Variants in PARP11 observed in about 807,000 individuals in gnomAD.
PARP11 encodes protein mono-ADP-ribosyltransferase PARP11.
Under a neutral mutation model 42.9 loss-of-function variants are expected in PARP11, and 31 were observed. The ratio of observed to expected loss-of-function variants is 0.72; its 90% CI spans 0.54 to 0.98. PARP11 has a LOEUF of 0.98. Among genes scored for constraint, PARP11 ranks in the 50% least tolerant of loss-of-function variants. PARP11 has a pLI of 0.00. For synonymous variants in PARP11, 137 were observed against 127.3 expected, an observed-to-expected ratio of 1.08 and a Z score of -0.51; for missense variants, 365 against 413.1, an observed-to-expected ratio of 0.88 and a Z score of 1.01.
intron 1 of PARP11, chr12:3,841,138 C>T (rs1375426823): frequency 3.7e-6 from 6 of 1,608,356 alleles, no homozygotes; most frequent in South Asian, 3.3e-5. Context: ...GCCTTTGCCT[C>T]AGACATTGAG....
intron 2 of PARP11, 35 bp from the exon 3 acceptor site, chr12:3,829,065 T>C (rs200998166): frequency 1.2e-6 from 2 of 1,612,024 alleles, no homozygotes; most frequent in Non-Finnish European, 1.7e-6. Context: ...ATTTACCAGC[T>C]GTTCACATTA....
In PARP11 at chr12:3,842,316, G is replaced by A. The variant is rs3816505; in HGVS notation, c.19-12298C>T. 4 of 1,605,370 alleles carry A rather than the reference G, an allele frequency of 2.5e-6. No homozygotes were observed. The South Asian group carries it at 4.4e-5, about 18-fold the overall frequency. ...AGCAGTTCTATAATCAAACTTATGG[G>A]AGCAGGAAGTACAAAAGTGATTGGG... is the stretch of plus-strand genomic sequence containing the variant. On this transcript the variant is annotated intron_variant, in intron 1 of 7. Coordinates refer to ENST00000228820, the MANE Select transcript of PARP11 (RefSeq NM_020367.6).
In PARP11 at chr12:3,829,040, A is replaced by G. The variant is rs776180497; in HGVS notation, c.148-10T>C. The G allele has an allele frequency of 1.2e-6, 2 of 1,613,386 alleles. No individual in the cohort carries two copies. The highest frequency in any genetic ancestry group is 1.7e-5 in the Admixed American group (1 of 59,966). ...GACTGTTGGTATCCGGCTTTAAGAC[A>G]AACCAGAAAGTTTCATTTACCAGCT... On this transcript the variant is annotated splice_polypyrimidine_tract_variant and intron_variant, in intron 2 of 7. Transcript: ENST00000228820.
At chr12:3,835,969 A>G (rs1565539796) in intron 1 of PARP11, among the ~76,000 whole-genome samples, 1 of 152,100 alleles carries the variant, frequency 6.6e-6, no homozygotes, top group East Asian at 1.9e-4. Flanking sequence ...AAAAAGGCAC[A>G]GGAAAAACTT....
intron 1 of PARP11, among the ~76,000 whole-genome samples, chr12:3,838,984 G>A (rs111623030): frequency 0.012 from 1,851 of 152,248 alleles, 44 homozygotes; most frequent in African/African-American, 0.042. Context: ...TCCTGAGTCG[G>A]GCAGCGAGGC....
chr12:3,839,434 T>C (rs1453505577), intron 1 of PARP11: 1 of 1,602,504 alleles, frequency 6.2e-7, no homozygotes, highest in Non-Finnish European at 8.5e-7. Context: ...GGACGGGTCG[T>C]GCCTGTTCCG....
At chr12:3,844,835 G>A (rs1342357860) in intron 1 of PARP11, among the ~76,000 whole-genome samples, 5 of 152,242 alleles carry the variant, frequency 3.3e-5, no homozygotes, top group African/African-American at 7.2e-5. Flanking sequence ...GGTTGGTTTC[G>A]CTTTTATCCT....
At chr12:3,835,365 A>G (rs1427920652) in intron 1 of PARP11, among the ~76,000 whole-genome samples, 1 of 146,730 alleles carries the variant, frequency 6.8e-6, no homozygotes, top group East Asian at 2.6e-4. Context: ...TTGTTCAGCT[A>G]TATCACTGTT....
At chr12:3,871,295 T>C (rs778998788) in intron 1 of PARP11, among the ~76,000 whole-genome samples, 5 of 152,202 alleles carry the variant, frequency 3.3e-5, no homozygotes, top group Non-Finnish European at 5.9e-5. Flanking sequence ...TCATACACAA[T>C]TATGCATTGC....
intron 1 of PARP11, chr12:3,841,937 C>T: frequency 6.2e-7 from 1 of 1,607,692 alleles, no homozygotes; most frequent in Non-Finnish European, 8.5e-7. Context: ...CATGTACATT[C>T]TCTCCCTGAA....
intron 1 of PARP11, among the ~76,000 whole-genome samples, chr12:3,854,105 G>T (rs1293206674): frequency 1.3e-5 from 2 of 152,086 alleles, no homozygotes; most frequent in Non-Finnish European, 2.9e-5. Context: ...AAGATACAAC[G>T]TACCAGAATC....
intron 4 of PARP11, 102 bp downstream of exon 4, chr12:3,826,053 ATAT>A: frequency 1.5e-6 from 1 of 682,706 alleles, no homozygotes; most frequent in East Asian, 2.7e-5. Context: ...TAAAAGATCA[ATAT>A]TATTAAATGA....
chr12:3,853,135 C>G (rs906339365), intron 1 of PARP11, among the ~76,000 whole-genome samples: 2 of 152,154 alleles, frequency 1.3e-5, no homozygotes, highest in African/African-American at 2.4e-5. Context: ...CTGAAGGAAG[C>G]ACTAAACATG....
At chr12:3,833,361 G>A (rs1565538625) in intron 1 of PARP11, among the ~76,000 whole-genome samples, 1 of 152,162 alleles carries the variant, frequency 6.6e-6, no homozygotes, top group Non-Finnish European at 1.5e-5. Context: ...GGGCTTTGGT[G>A]AGGCTGAGAA....
At chr12:3,839,926 T>G (rs1194427668) in intron 1 of PARP11, 3 of 1,120,252 alleles carry the variant, frequency 2.7e-6, no homozygotes, top group Non-Finnish European at 4.1e-6. Context: ...GGATGACAGC[T>G]GCAAGAGTAA....
intron 6 of PARP11, among the ~76,000 whole-genome samples, chr12:3,818,960 G>C (rs1301770355): frequency 6.6e-6 from 1 of 151,786 alleles, no homozygotes; most frequent in Admixed American, 6.6e-5. Context: ...ACGCTCCCTG[G>C]TCATCTTCTT....
chr12:3,827,713 T>A (rs141928332), intron 3 of PARP11, among the ~76,000 whole-genome samples: 1 of 152,204 alleles, frequency 6.6e-6, no homozygotes, highest in Non-Finnish European at 1.5e-5. Context: ...AATTATTGCA[T>A]ATTTGGTTCC....
At chr12:3,865,655 T>C (rs1393637968) in intron 1 of PARP11, among the ~76,000 whole-genome samples, 5 of 152,138 alleles carry the variant, frequency 3.3e-5, no homozygotes, top group Non-Finnish European at 7.4e-5. Flanking sequence ...TTAACAACAA[T>C]AAACCACTCA....
intron 6 of PARP11, among the ~76,000 whole-genome samples, chr12:3,821,402 A>G (rs1947388391): frequency 6.6e-6 from 1 of 152,252 alleles, no homozygotes; most frequent in Non-Finnish European, 1.5e-5. Context: ...TAAATCCAGT[A>G]AGGAATTGAG....
Sources: gnomAD v4.1 joint callset for allele counts (sites outside exome capture counted in the v4.1 genomes callset) on GRCh38, gnomAD v4.1.1 for gene constraint, MANE v1.5 for transcripts, NCBI Gene and HGNC (gene_info 2026-07-23, HGNC 2026-07-21) for gene names.